ARHGEF7: variants seen among roughly 807,000 people sequenced by gnomAD.
ARHGEF7 encodes Rho guanine nucleotide exchange factor 7.
ARHGEF7 carries 33 observed loss-of-function variants against 109.8 expected under a neutral mutation model. The observed-to-expected ratio is 0.30, with a 90% CI of 0.23 to 0.40. The LOEUF is 0.40. ARHGEF7 is among the 10% of genes least tolerant of loss of function. The probability of loss-of-function intolerance (pLI) is 1.00; values close to 1 mark genes in which losing one functional copy is unlikely to be tolerated. For synonymous variants in ARHGEF7, 458 were observed against 424.6 expected (o/e 1.08, Z -0.97); for missense variants, 938 against 1,098.5 (o/e 0.85, Z 2.07).
intron 19 of ARHGEF7, chr13:111,293,969 T>C (rs1161903891): frequency 2.4e-5 from 24 of 985,324 alleles, no homozygotes; most frequent in African/African-American, 3.5e-5. Flanking sequence ...AACAAGCTAA[T>C]GGCACAGGAG....
chr13:111,269,912 A>G (rs1322953243), intron 9 of ARHGEF7, among the ~76,000 whole-genome samples: 7 of 152,100 alleles, frequency 4.6e-5, no homozygotes. Flanking sequence ...CAGCTTTTCC[A>G]TGTGTGTGAC....
At chr13:111,238,838 A>C (rs1271453579) in intron 6 of ARHGEF7, among the ~76,000 whole-genome samples, 1 of 151,954 alleles carries the variant, frequency 6.6e-6, no homozygotes, top group Non-Finnish European at 1.5e-5. Flanking sequence ...AGCGATATAC[A>C]CTATGGTTTG....
At chr13:111,202,973 C>T (rs2081365824) in intron 2 of ARHGEF7, 2 of 750,324 alleles carry the variant, frequency 2.7e-6, no homozygotes, top group Non-Finnish European at 1.8e-6. Flanking sequence ...CATATTGAAG[C>T]CCATTGGTGG....
At chr13:111,279,585 T>C (rs1400692994) in intron 13 of ARHGEF7, among the ~76,000 whole-genome samples, 1 of 152,236 alleles carries the variant, frequency 6.6e-6, no homozygotes, top group Non-Finnish European at 1.5e-5. Context: ...TGGGCCACCA[T>C]GTACTGTGGT....
intron 2 of ARHGEF7, among the ~76,000 whole-genome samples, chr13:111,166,091 C>G (rs1057483480): frequency 2.0e-5 from 3 of 152,178 alleles, no homozygotes; most frequent in Middle Eastern, 3.2e-3. Flanking sequence ...CTTTGCCCAC[C>G]ACCATTAGCC....
chr13:111,305,608 G>A lies in ARHGEF7; in HGVS notation c.*2495G>A, dbSNP rs1037814751. ...TTCTTCACTTCTCTGGGACACCCAGGGCGCCTGTTGACAAGTGTGGAGAAA... is the reference window on the plus strand; with the variant it reads ...TTCTTCACTTCTCTGGGACACCCAGAGCGCCTGTTGACAAGTGTGGAGAAA... On this transcript the variant is annotated 3_prime_UTR_variant, in exon 22 of 22. Transcript: ENST00000646102. 3 of 152,192 alleles carry A rather than the reference G, an allele frequency of 2.0e-5. No homozygotes were observed. The highest frequency in any genetic ancestry group is 4.8e-5 in the African/African-American group (2 of 41,446). The allele number at this position is 152,192 out of a possible 1,614,324, so 9.4% of individuals were successfully genotyped here.
intron 1 of ARHGEF7, among the ~76,000 whole-genome samples, chr13:111,128,659 A>T (rs564628016): frequency 6.6e-6 from 1 of 152,372 alleles, no homozygotes; most frequent in Admixed American, 6.5e-5. Context: ...ATGAAAGAAA[A>T]GACAAATGCT....
intron 2 of ARHGEF7, among the ~76,000 whole-genome samples, chr13:111,155,953 C>T (rs953473258): frequency 2.6e-5 from 4 of 151,942 alleles, no homozygotes; most frequent in African/African-American, 7.3e-5. Context: ...GGCGTGGTGG[C>T]GTGCACCTGT....
At chr13:111,279,303 A>G (rs146339663) in intron 13 of ARHGEF7, among the ~76,000 whole-genome samples, 3 of 151,404 alleles carry the variant, frequency 2.0e-5, no homozygotes, top group Non-Finnish European at 4.4e-5. Flanking sequence ...GACGTTCTGG[A>G]CTGGATCGTT....
intron 20 of ARHGEF7, 104 bp from the exon 21 acceptor site, chr13:111,301,374 C>A (rs2093562825): frequency 1.1e-6 from 1 of 939,482 alleles, no homozygotes. Flanking sequence ...GGCAGAGCAG[C>A]TCCGTGTCCT....
chr13:111,284,564 G>T (rs909976360), intron 16 of ARHGEF7, among the ~76,000 whole-genome samples: 11 of 152,172 alleles, frequency 7.2e-5, no homozygotes, highest in African/African-American at 2.7e-4. Context: ...AGAAAATTGG[G>T]ATAAAACTGT....
chr13:111,282,961 A>G, intron 15 of ARHGEF7, 178 bp from the exon 16 acceptor site: 1 of 853,724 alleles, frequency 1.2e-6, no homozygotes, highest in Non-Finnish European at 1.8e-6. Flanking sequence ...GGCGCGAGCT[A>G]GTGTTTGGCC....
At chr13:111,229,026 A>G (rs1037571331) in intron 5 of ARHGEF7, among the ~76,000 whole-genome samples, 8 of 152,084 alleles carry the variant, frequency 5.3e-5, no homozygotes, top group Non-Finnish European at 1.0e-4. Context: ...AGAGGCAGAA[A>G]TTCCCAGCCC....
At chr13:111,292,441 G>C in intron 19 of ARHGEF7, 147 bp downstream of exon 19, 1 of 1,460,684 alleles carries the variant, frequency 6.8e-7, no homozygotes, top group South Asian at 1.5e-5. Context: ...AACAACTTTT[G>C]AGAGTGTTCC....
chr13:111,125,573 A>T (rs1211035090), intron 1 of ARHGEF7, among the ~76,000 whole-genome samples: 1 of 152,196 alleles, frequency 6.6e-6, no homozygotes, highest in African/African-American at 2.4e-5. Flanking sequence ...CTCGCCATGA[A>T]GCCTTGTTCT....
upstream of ARHGEF7, chr13:111,115,214 CG>C (rs2066653284): frequency 6.8e-6 from 1 of 146,410 alleles, no homozygotes; most frequent in African/African-American, 2.5e-5. Context: ...CGGCGCGGGC[CG>C]GGCGCGGGCC....
chr13:111,176,135 A>G (rs56198498), intron 2 of ARHGEF7, among the ~76,000 whole-genome samples: 18,603 of 152,220 alleles, frequency 0.12, 1,527 homozygotes, highest in Middle Eastern at 0.21. Context: ...CCACACAGGT[A>G]GTCTGTCACC....
intron 8 of ARHGEF7, among the ~76,000 whole-genome samples, chr13:111,251,920 T>A (rs1474012371): frequency 3.3e-5 from 5 of 152,218 alleles, no homozygotes; most frequent in African/African-American, 4.8e-5. Context: ...ATGCCTAGAA[T>A]TCTTTTGTAG....
At chr13:111,283,920 T>A (rs1246674009) in intron 16 of ARHGEF7, among the ~76,000 whole-genome samples, 1 of 152,158 alleles carries the variant, frequency 6.6e-6, no homozygotes, top group Non-Finnish European at 1.5e-5. Flanking sequence ...ATTTTTATAT[T>A]TGCTAGGCGC....
Sources: allele counts gnomAD v4.1 joint callset (sites outside exome capture counted in the v4.1 genomes callset), GRCh38; gene constraint gnomAD v4.1.1; transcripts MANE v1.5; gene names NCBI Gene and HGNC (gene_info 2026-07-23, HGNC 2026-07-21).